The following SYT17 variants were observed in gnomAD, a reference collection of about 807,000 sequenced individuals.
The protein encoded by SYT17 is synaptotagmin-17.
A neutral mutation model predicts 46.7 loss-of-function variants in SYT17; 22 were observed. That is an observed-to-expected ratio of 0.47 (90% CI 0.34 to 0.67). The LOEUF (loss-of-function observed/expected upper bound fraction) is 0.67, where lower values mean the gene tolerates loss of function less well. Ranked by LOEUF, SYT17 falls within the 30% of genes least tolerant of loss-of-function variation. SYT17 has a pLI of 0.01. For synonymous variants in SYT17, 251 were observed against 248.4 expected, an observed-to-expected ratio of 1.01 and a Z score of -0.10; for missense variants, 519 against 612.8, an observed-to-expected ratio of 0.85 and a Z score of 1.62.
chr16:19,265,522 C>A lies in SYT17; in HGVS notation c.1229-1358C>A, dbSNP rs1396143859. ...ATCATTTGGAATTCGTGGTGTGAAA[C>A]CCACAGGGGAGAACAGAGGCTCATT... On this transcript the variant is annotated intron_variant, in intron 7 of 7. Transcript: ENST00000355377. Among the ~76,000 whole-genome samples the A allele has an allele frequency of 4.6e-5, 7 of 152,188 alleles. No individual in the cohort carries two copies. In the East Asian group the frequency reaches 1.3e-3, roughly 29 times the overall value.
At chr16:19,229,211 G>A (rs1478449166) in intron 7 of SYT17, among the ~76,000 whole-genome samples, 5 of 152,150 alleles carry the variant, frequency 3.3e-5, no homozygotes, top group African/African-American at 4.8e-5. Context: ...GTATTAGTCC[G>A]TTCTCGCATT....
chr16:19,180,330 A>T, intron 3 of SYT17, 61 bp from the exon 4 acceptor site: 1 of 1,592,372 alleles, frequency 6.3e-7, no homozygotes, highest in East Asian at 2.2e-5. Flanking sequence ...CCCCCAAGGG[A>T]CAGAGATGCC....
Position 19,212,899 on chromosome 16 carries a change from A to C in SYT17, c.952-10146A>C, listed in dbSNP as rs141213304. Among the ~76,000 whole-genome samples the C allele has an allele frequency of 6.9e-3, 1,055 of 152,302 alleles. 8 individuals carry two copies. Among genetic ancestry groups the C allele is most frequent in the African/African-American group, 0.024 (981 of 41,560 alleles). ...GAAAAAGAATGGCTTAAGGAGAAAG[A>C]AGAAGGAAGGAAATCTTAGCTGGAT... is the stretch of plus-strand genomic sequence containing the variant. On this transcript the variant is annotated intron_variant, in intron 5 of 7. Transcript: ENST00000355377.
At chr16:19,256,345 G>A (rs1020904850) in intron 7 of SYT17, among the ~76,000 whole-genome samples, 1 of 151,542 alleles carries the variant, frequency 6.6e-6, no homozygotes, top group Non-Finnish European at 1.5e-5. Context: ...TCAACATGGC[G>A]CCTTTATGAG....
At chr16:19,241,643 C>T (rs944008696) in intron 7 of SYT17, among the ~76,000 whole-genome samples, 11 of 152,188 alleles carry the variant, frequency 7.2e-5, no homozygotes, top group African/African-American at 2.7e-4. Flanking sequence ...AGTCCCATTG[C>T]AGTGGCCCCT....
At chr16:19,204,455 A>C (rs1230583946) in intron 5 of SYT17, among the ~76,000 whole-genome samples, 1 of 152,088 alleles carries the variant, frequency 6.6e-6, no homozygotes, top group Admixed American at 6.5e-5. Context: ...AGCCTCACTC[A>C]GCTTTCGGCG....
chr16:19,201,547 AG>A (rs750149118), intron 5 of SYT17, among the ~76,000 whole-genome samples: 30 of 152,184 alleles, frequency 2.0e-4, no homozygotes, highest in South Asian at 4.1e-4. Context: ...TAGAAGCCAC[AG>A]ATATCTCTTC....
intron 5 of SYT17, among the ~76,000 whole-genome samples, chr16:19,212,968 A>G (rs1965964061): frequency 6.6e-6 from 1 of 152,214 alleles, no homozygotes; most frequent in African/African-American, 2.4e-5. Flanking sequence ...GCCTCTTCAG[A>G]TCCAGAGGGG....
intron 7 of SYT17, among the ~76,000 whole-genome samples, chr16:19,225,186 C>G (rs746401489): frequency 6.6e-6 from 1 of 152,134 alleles, no homozygotes; most frequent in Non-Finnish European, 1.5e-5. Context: ...AAATGACTTA[C>G]GACTTTGCAA....
intron 1 of SYT17, chr16:19,172,446 A>G: frequency 6.9e-7 from 1 of 1,443,598 alleles, no homozygotes. Flanking sequence ...ATTGGATAGC[A>G]TGACTATCTA....
intron 7 of SYT17, among the ~76,000 whole-genome samples, chr16:19,240,459 G>C (rs1250250578): frequency 6.6e-6 from 1 of 151,940 alleles, no homozygotes; most frequent in African/African-American, 2.4e-5. Flanking sequence ...TCAGCAGCTG[G>C]ACAGCCTGTA....
intron 3 of SYT17, among the ~76,000 whole-genome samples, chr16:19,178,254 T>TC (rs1418548706): frequency 1.3e-5 from 2 of 150,578 alleles, no homozygotes; most frequent in Non-Finnish European, 3.0e-5. Context: ...GGCTAATTTT[T>TC]TGTATTTTTT....
intron 3 of SYT17, among the ~76,000 whole-genome samples, chr16:19,179,581 A>T (rs1028049400): frequency 6.6e-6 from 1 of 152,174 alleles, no homozygotes; most frequent in African/African-American, 2.4e-5. Context: ...CGCATTTTAT[A>T]TGTGTTAACT....
At chr16:19,175,573 C>G (rs1460812864) in intron 3 of SYT17, among the ~76,000 whole-genome samples, 2 of 149,624 alleles carry the variant, frequency 1.3e-5, no homozygotes, top group African/African-American at 5.0e-5. Flanking sequence ...ATCGTTTGAG[C>G]CTGGAAAGTC....
At chr16:19,173,201 C>T (rs142439660) in intron 2 of SYT17, 17 of 562,012 alleles carry the variant, frequency 3.0e-5, no homozygotes, top group South Asian at 7.4e-5. Context: ...TTGCTACTAA[C>T]GGCTCCAGCG....
intron 5 of SYT17, among the ~76,000 whole-genome samples, chr16:19,203,971 A>G (rs1212501761): frequency 1.3e-5 from 2 of 152,226 alleles, no homozygotes; most frequent in Non-Finnish European, 2.9e-5. Flanking sequence ...GCCTCAGGCC[A>G]GGCCATGGAT....
chr16:19,233,740 G>A (rs1249899509), intron 7 of SYT17, among the ~76,000 whole-genome samples: 1 of 152,174 alleles, frequency 6.6e-6, no homozygotes, highest in Non-Finnish European at 1.5e-5. Flanking sequence ...CAGCAGAGAA[G>A]AGAAAAGGAA....
chr16:19,209,034 A>AT (rs1334380946), intron 5 of SYT17, among the ~76,000 whole-genome samples: 10 of 151,266 alleles, frequency 6.6e-5, no homozygotes, highest in Non-Finnish European at 1.0e-4. Context: ...CACCTGCCTA[A>AT]TTTTTTGTAT....
chr16:19,193,224 T>C (rs767540599), intron 5 of SYT17, among the ~76,000 whole-genome samples: 1 of 152,160 alleles, frequency 6.6e-6, no homozygotes, highest in South Asian at 2.1e-4. Flanking sequence ...TAAGATGATA[T>C]TTTATGGAGC....
Sources: gnomAD v4.1 joint callset for allele counts (sites outside exome capture counted in the v4.1 genomes callset) on GRCh38, gnomAD v4.1.1 for gene constraint, MANE v1.5 for transcripts, NCBI Gene and HGNC (gene_info 2026-07-23, HGNC 2026-07-21) for gene names.